The following BPIFC variants were observed in gnomAD, a reference collection of about 807,000 sequenced individuals.
The protein encoded by BPIFC is BPI fold-containing family C protein.
Under a neutral mutation model 57.6 loss-of-function variants are expected in BPIFC, and 60 were observed. The ratio of observed to expected loss-of-function variants is 1.04; its 90% CI spans 0.85 to 1.29. BPIFC has a LOEUF of 1.29. BPIFC is among the 50% of genes most tolerant of loss of function. BPIFC has a pLI of 0.00. For synonymous variants in BPIFC, 243 were observed against 224.5 expected (o/e 1.08, Z -0.74); for missense variants, 581 against 600.5 (o/e 0.97, Z 0.34).
In BPIFC at chr22:32,445,796, T is replaced by C. The variant is rs1934711150; in HGVS notation, c.530+45A>G. 9 of 1,597,000 alleles carry C rather than the reference T, an allele frequency of 5.6e-6. No homozygotes were observed. In the Admixed American group the frequency reaches 1.5e-4, roughly 27 times the overall value. On this transcript the variant is annotated intron_variant, in intron 6 of 16. Transcript: ENST00000300399. ...ACCTTCCCTAGGCGATGCCTGAGTATCCAGCCCCTAACTAGCCACTGCCCA... is the reference window on the plus strand; with the variant it reads ...ACCTTCCCTAGGCGATGCCTGAGTACCCAGCCCCTAACTAGCCACTGCCCA...
intron 10 of BPIFC, among the ~76,000 whole-genome samples, chr22:32,434,797 A>G (rs1934345112): frequency 6.6e-6 from 1 of 152,304 alleles, no homozygotes; most frequent in Admixed American, 6.5e-5. Context: ...TATAATTAAA[A>G]CATATAGAAT....
At chr22:32,457,079 T>C (rs2145967674) in intron 3 of BPIFC, among the ~76,000 whole-genome samples, 184 bp downstream of exon 3, 1 of 152,282 alleles carries the variant, frequency 6.6e-6, no homozygotes, top group Admixed American at 6.5e-5. Flanking sequence ...TCCCATCAAG[T>C]TGACTATTTT....
At chr22:32,457,521 T>TCATCCATCCATCCATCCATCCATCCAAC (rs1568961589) in intron 2 of BPIFC, 135 bp from the exon 3 acceptor site, 1 of 959,284 alleles carries the variant, frequency 1.0e-6, no homozygotes, top group Non-Finnish European at 1.5e-6. Context: ...ATCCATCCAT[T>TCATCCATCCATCCATCCATCCATCCAAC]CATCCATCCA....
At chr22:32,415,618 A>C (rs1351571645) in intron 16 of BPIFC, among the ~76,000 whole-genome samples, 4 of 152,164 alleles carry the variant, frequency 2.6e-5, no homozygotes, top group Non-Finnish European at 5.9e-5. Context: ...TAATAATTCC[A>C]GCCTTACAGA....
intron 8 of BPIFC, among the ~76,000 whole-genome samples, chr22:32,441,687 G>C (rs1934568901): frequency 6.6e-6 from 1 of 152,116 alleles, no homozygotes; most frequent in Non-Finnish European, 1.5e-5. Context: ...AGAACGGAAA[G>C]GATTAAATCC....
chr22:32,450,163 CAT>C (rs112140454), intron 4 of BPIFC, among the ~76,000 whole-genome samples: 19 of 150,528 alleles, frequency 1.3e-4, no homozygotes, highest in African/African-American at 4.4e-4. Context: ...TATATACACA[CAT>C]ATATATAAGA....
At position 32,457,193 on chromosome 22, in the gene BPIFC, G is replaced by C. The variant is rs548981882; in HGVS notation, c.124+70C>G. 386 of 1,523,124 alleles carry C rather than the reference G, an allele frequency of 2.5e-4. 1 individual carries two copies. The highest frequency in any genetic ancestry group is 3.3e-4 in the Non-Finnish European group (373 of 1,138,980). The allele number at this position is 1,523,124 out of a possible 1,614,324, so 94.4% of individuals were successfully genotyped here. A position where few individuals can be genotyped will look rare whatever the true frequency, so the allele number is the denominator to read the frequency against. On this transcript the variant is annotated intron_variant, in intron 3 of 16. Transcript: ENST00000300399. ...AGTCAGGAGACAGCCCATGTTATGAGCTGTTCAGTTTGGGTCACAGACCCC... is the reference window on the plus strand; with the variant it reads ...AGTCAGGAGACAGCCCATGTTATGACCTGTTCAGTTTGGGTCACAGACCCC...
intron 14 of BPIFC, among the ~76,000 whole-genome samples, chr22:32,418,915 A>G (rs1376134850): frequency 6.6e-6 from 1 of 152,164 alleles, no homozygotes; most frequent in Non-Finnish European, 1.5e-5. Context: ...CCACAAAGGT[A>G]TCCATACAAG....
intron 2 of BPIFC, among the ~76,000 whole-genome samples, chr22:32,459,325 T>C (rs1202572164): frequency 6.6e-6 from 1 of 151,834 alleles, no homozygotes; most frequent in Non-Finnish European, 1.5e-5. Context: ...GCCCAGGAGT[T>C]TGAGACCAGC....
intron 3 of BPIFC, 33 bp downstream of exon 3, chr22:32,457,230 C>T (rs1204845606): frequency 6.3e-7 from 1 of 1,575,096 alleles, no homozygotes; most frequent in Admixed American, 2.1e-5. Flanking sequence ...CCTAGTGGGC[C>T]TGAGGTCTGG....
intron 15 of BPIFC, 73 bp downstream of exon 15, chr22:32,417,011 TC>T: frequency 8.1e-7 from 1 of 1,238,200 alleles, no homozygotes; most frequent in East Asian, 2.3e-5. Flanking sequence ...TCCCAAACAA[TC>T]CCCAGTGCAG....
At chr22:32,416,042 T>C in intron 15 of BPIFC, 51 bp from the exon 16 acceptor site, 3 of 1,280,092 alleles carry the variant, frequency 2.3e-6, no homozygotes, top group African/African-American at 1.6e-5. Flanking sequence ...ACAGAGGTTT[T>C]AGCAAGCTTT....
In BPIFC at chr22:32,414,326, ACTGTCTG is replaced by A. The variant is rs1011412911; in HGVS notation, c.1494_1500del (p.Arg499GlyfsTer18). ...AATCAAGGGGCTGACTTCCCCCTCCACTGTCTGCTTATCAGGTTCAGACCTTCCCATA... is the reference window on the plus strand; with the variant it reads ...AATCAAGGGGCTGACTTCCCCCTCCACTTATCAGGTTCAGACCTTCCCATA... On this transcript the variant is annotated frameshift_variant, in exon 17 of 17. Transcript: ENST00000300399. LOFTEE classifies it high-confidence loss of function. 2 of 1,613,496 alleles carry A rather than the reference ACTGTCTG, an allele frequency of 1.2e-6. No homozygotes were observed. The highest frequency in any genetic ancestry group is 2.7e-5 in the African/African-American group (2 of 74,828).
At chr22:32,432,182 G>C (rs1934263309) in intron 12 of BPIFC, among the ~76,000 whole-genome samples, 191 bp downstream of exon 12, 1 of 151,934 alleles carries the variant, frequency 6.6e-6, no homozygotes, top group African/African-American at 2.4e-5. Flanking sequence ...CTGGCCTCAA[G>C]CAATCTTCCT....
intron 4 of BPIFC, among the ~76,000 whole-genome samples, chr22:32,451,153 T>C (rs1250095005): frequency 6.6e-6 from 1 of 152,240 alleles, no homozygotes; most frequent in African/African-American, 2.4e-5. Context: ...TAGCAATGCA[T>C]GAAAATACCT....
rs765882408 is a variant in BPIFC, at chr22:32,442,758, A to T, written c.595-27T>A. The T allele has an allele frequency of 8.7e-6, 14 of 1,606,556 alleles. No homozygotes were observed. In the Admixed American group the frequency reaches 1.7e-4, roughly 19 times the overall value. On this transcript the variant is annotated intron_variant, in intron 7 of 16. Transcript: ENST00000300399. ...TGGCCACAAAGGAATAAAAAGAAAA[A>T]AGCAAGTTACCATGTTGTACTGGAA... is the stretch of plus-strand genomic sequence containing the variant.
intron 8 of BPIFC, among the ~76,000 whole-genome samples, chr22:32,440,476 C>T (rs534220629): frequency 3.9e-5 from 6 of 152,224 alleles, no homozygotes; most frequent in African/African-American, 9.6e-5. Flanking sequence ...CTGTGCCTGA[C>T]GCTGGGGGCA....
intron 2 of BPIFC, among the ~76,000 whole-genome samples, chr22:32,460,178 T>C (rs2145971846): frequency 6.6e-6 from 1 of 152,332 alleles, no homozygotes; most frequent in South Asian, 2.1e-4. Context: ...AGGCCACTGC[T>C]AGCCTATCTT....
chr22:32,427,394 G>A (rs1034181674), intron 13 of BPIFC, among the ~76,000 whole-genome samples: 6 of 152,104 alleles, frequency 3.9e-5, no homozygotes, highest in Non-Finnish European at 7.4e-5. Context: ...TCTTCCTTGA[G>A]ATCCTGCCAG....
Sources: allele counts gnomAD v4.1 joint callset (sites outside exome capture counted in the v4.1 genomes callset), GRCh38; gene constraint gnomAD v4.1.1; transcripts MANE v1.5; gene names NCBI Gene and HGNC (gene_info 2026-07-23, HGNC 2026-07-21).